ZNF814: variants seen among roughly 807,000 people sequenced by gnomAD.
ZNF814 encodes the protein zinc finger protein 814.
Under a neutral mutation model 7.5 loss-of-function variants are expected in ZNF814, and 5 were observed. That is an observed-to-expected ratio of 0.67 (90% CI 0.35 to 1.40). The LOEUF (loss-of-function observed/expected upper bound fraction) is 1.40, where lower values mean the gene tolerates loss of function less well. Among genes scored for constraint, ZNF814 ranks in the 40% most tolerant of loss-of-function variants. ZNF814 has a pLI of 0.04. For missense variants in ZNF814, 962 were observed against 1,018.0 expected (o/e 0.94, Z 0.75); for synonymous variants, 315 against 340.7 (o/e 0.92, Z 0.83).
rs1369294339 is a variant in ZNF814 at position 57,871,888 on chromosome 19, T to G, written c.*934A>C. 6.7e-6 allele frequency among the ~76,000 whole-genome samples: 1 copy of G among 148,842 alleles called. No homozygotes were observed. The highest frequency in any genetic ancestry group is 1.5e-5 in the Non-Finnish European group (1 of 67,632). ...ATGTTTGGAGGCCAAGGTGGAAGGA[T>G]CGCTTGAGCCAGGAGTTTAAGACCA... On this transcript the variant is annotated 3_prime_UTR_variant, in exon 3 of 3. Transcript: ENST00000435989.
chr19:57,870,830 A>G lies in ZNF814; in HGVS notation c.*1992T>C, dbSNP rs2071551237. The G allele has an allele frequency of 6.6e-6, 1 of 152,074 alleles. No individual in the cohort carries two copies. Among genetic ancestry groups the G allele is most frequent in the Non-Finnish European group, 1.5e-5 (1 of 68,032 alleles). The allele number at this position is 152,074 out of a possible 1,614,324, so 9.4% of individuals were successfully genotyped here. ...CCCCATCTCTACTAAAAATACAAAA[A>G]TTAGCTGGGTGTGGTGGCATGTGCC... On this transcript the variant is annotated 3_prime_UTR_variant, in exon 3 of 3. Coordinates refer to ENST00000435989, the MANE Select transcript of ZNF814 (RefSeq NM_001144989.2).
chr19:57,872,886 TTCCC>T lies in ZNF814; in HGVS notation c.2500_2503del (p.Gly834AsnfsTer78), dbSNP rs2071567665. The T allele has an allele frequency of 1.2e-6, 2 of 1,612,768 alleles. No individual in the cohort carries two copies. The highest frequency in any genetic ancestry group is 1.7e-6 in the Non-Finnish European group (2 of 1,179,590). ...GAGGTGAGACTTCTTGTTAAATAAT[TTCCC>T]ACATTTCTCACATTTATAAGGCTTT... On this transcript the variant is annotated frameshift_variant, in exon 3 of 3. Transcript: ENST00000435989. LOFTEE classifies it low-confidence loss of function (END_TRUNC).
Position 57,874,418 on chromosome 19 carries a change from A to G in ZNF814, c.972T>C (p.Tyr324=), listed in dbSNP as rs1044281455. 1.3e-6 allele frequency: 2 copies of G among 1,509,290 alleles called. No homozygotes were observed. Among genetic ancestry groups the G allele is most frequent in the African/African-American group, 3.3e-5 (2 of 61,514 alleles). The allele number at this position is 1,509,290 out of a possible 1,614,324, so 93.5% of individuals were successfully genotyped here. A position where few individuals can be genotyped will look rare whatever the true frequency, so the allele number is the denominator to read the frequency against. Residue 324 remains tyrosine, a synonymous_variant, in exon 3 of 3, where the codon TAT becomes TAC. Coordinates refer to ENST00000435989, the MANE Select transcript of ZNF814 (RefSeq NM_001144989.2). The part of the protein sequence containing the change: ...HQRVHTGKRP[Y]ECGECGKSFS... ...ACGATTTCCCACATTCTCCACATTC[A>G]TAAGGTCTTTTCCCAGTGTGAACTC...
intron 1 of ZNF814, 133 bp downstream of exon 1, chr19:57,888,633 TG>T: frequency 1.7e-6 from 2 of 1,153,366 alleles, no homozygotes; most frequent in East Asian, 2.6e-5. Flanking sequence ...GTGTCAGAAA[TG>T]GGGCCCCTCC....
the ZNF814 span, chr19:57,901,722 G>C: frequency 2.5e-6 from 1 of 398,668 alleles, no homozygotes; most frequent in Non-Finnish European, 4.4e-6. Flanking sequence ...CAATCTGAGA[G>C]CACAGAACAA....
In ZNF814 at chr19:57,888,974, C is replaced by T. The variant is rs1422211303; in HGVS notation, c.-172G>A. The stretch of plus-strand genomic sequence containing the variant: ...CTGCTCCCCGACTTCTGGGTTCAGT[C>T]ACCACAGTGCGGACCTAGCGCTCAG... On this transcript the variant is annotated 5_prime_UTR_variant, in exon 1 of 3. Coordinates refer to ENST00000435989, the MANE Select transcript of ZNF814 (RefSeq NM_001144989.2). 3.0e-6 allele frequency: 2 copies of T among 672,554 alleles called. No individual in the cohort carries two copies. Among genetic ancestry groups the T allele is most frequent in the East Asian group, 5.5e-5 (2 of 36,470 alleles). 41.7% of individuals were successfully genotyped at this position (672,554 alleles called of 1,614,324 possible). A position where few individuals can be genotyped will look rare whatever the true frequency, so the allele number is the denominator to read the frequency against.
intron 1 of ZNF814, among the ~76,000 whole-genome samples, chr19:57,883,764 A>AT (rs879603699): frequency 9.2e-4 from 136 of 147,624 alleles, no homozygotes; most frequent in African/African-American, 2.7e-3. Flanking sequence ...AGATTTCTTT[A>AT]TTTTTTTTTT....
chr19:57,883,193 C>A (rs1014284809), intron 1 of ZNF814, among the ~76,000 whole-genome samples: 1 of 151,484 alleles, frequency 6.6e-6, no homozygotes, highest in East Asian at 1.9e-4. Flanking sequence ...CCCATCTGTA[C>A]TAAAAATACA....
Position 57,873,413 on chromosome 19 carries a change from A to G in ZNF814, c.1977T>C (p.Pro659=), listed in dbSNP as rs2071574133. 2.5e-6 allele frequency: 4 copies of G among 1,612,710 alleles called. No homozygotes were observed. In the East Asian group the frequency reaches 8.9e-5, roughly 36 times the overall value. Residue 659 remains proline, a synonymous_variant, in exon 3 of 3, where the codon CCT becomes CCC. Transcript: ENST00000435989. ...ATTTCCCACATTCCCCACACTTAAA[A>G]GGTCTTTCTGTAGTGTGAACTCGCT... The part of the protein sequence containing the change: ...NHQRVHTTER[P]FKCGECGKCF...
Position 57,875,026 on chromosome 19 carries a change from A to C in ZNF814, c.364T>G (p.Cys122Gly). The C allele has an allele frequency of 1.9e-6, 3 of 1,606,804 alleles. No individual in the cohort carries two copies. Among genetic ancestry groups the C allele is most frequent in the Non-Finnish European group, 1.7e-6 (2 of 1,175,384 alleles). The change falls in exon 3 of 3, where the codon TGT becomes GGT. Residue 122 changes from cysteine (C) to glycine (G), a missense_variant. Cys to Gly is a radical substitution (Grantham distance 159, BLOSUM62 -3). Transcript: ENST00000435989. ...TACAATTTATTCCCCCAGGCCTCAC[A>C]CCTGTGCAGTTTCTGCTTGTGATGT... ...GTHHKQKLHR[C>G]EAWGNKLYDS...
Position 57,874,098 on chromosome 19 carries a change from G to C in ZNF814, c.1292C>G (p.Thr431Ser). The change falls in exon 3 of 3, where the codon ACT becomes AGT. Residue 431 changes from threonine to serine, a missense_variant. By Grantham distance (58) the Thr-to-Ser change is moderately conservative. Transcript: ENST00000435989. ...TTCACACCCATAAGGTTTTTCTCCAGTGTGAAATCGCTGATGTTGAATGAG... is the reference window on the plus strand; with the variant it reads ...TTCACACCCATAAGGTTTTTCTCCACTGTGAAATCGCTGATGTTGAATGAG... ...SSLIQHQRFH[T>S]GEKPYGCEEC... 2.5e-6 allele frequency: 4 copies of C among 1,602,464 alleles called. No homozygotes were observed. Among genetic ancestry groups the C allele is most frequent in the Middle Eastern group, 1.7e-4 (1 of 6,050 alleles).
intron 1 of ZNF814, among the ~76,000 whole-genome samples, chr19:57,877,653 A>C (rs1600137417): frequency 6.6e-6 from 1 of 151,868 alleles, no homozygotes; most frequent in African/African-American, 2.4e-5. Context: ...ATGTTGGCCA[A>C]GCTGGTCTCG....
Position 57,888,793 on chromosome 19 carries a change from C to T in ZNF814, c.10G>A (p.Ala4Thr), listed in dbSNP as rs1258305667. Residue 4 changes from alanine to threonine, a missense_variant, in exon 1 of 3, where the codon GCG (alanine) becomes ACG (threonine). Transcript: ENST00000435989. ...TGAGCGGAGAGCCTCAGCGTAGCCG[C>T]GGCAGCCATCGAACCACGTGGTTTT... MAA[A>T]ATLRLSAQGT... 6.4e-7 allele frequency: 1 copy of T among 1,551,960 alleles called. No homozygotes were observed. The highest frequency in any genetic ancestry group is 8.7e-7 in the Non-Finnish European group (1 of 1,147,158).
At chr19:57,878,485 G>T (rs1352291226) in intron 1 of ZNF814, among the ~76,000 whole-genome samples, 1 of 148,606 alleles carries the variant, frequency 6.7e-6, no homozygotes. Context: ...TTTTGTGATG[G>T]AGTCTCACTC....
rs1266305165 is a variant in ZNF814 at position 57,873,346 on chromosome 19, G to A, written c.2044C>T (p.His682Tyr). Residue 682 changes from histidine to tyrosine, a missense_variant, in exon 3 of 3, where the codon CAT becomes TAT. His to Tyr is a moderately conservative substitution (Grantham distance 83, BLOSUM62 2). Around this residue, in one of 7 missense-constraint regions of ZNF814, gnomAD observed 665 missense variants for 551.4 expected, o/e 1.21. Coordinates refer to ENST00000435989, the MANE Select transcript of ZNF814 (RefSeq NM_001144989.2). ...KGNLILHQHG[H>Y]TGERPYVCRE... ...CATACATAAGGTCTTTCTCCAGTATGGCCATGCTGGTGTAGAATGAGGTTA... is the reference window on the plus strand; with the variant it reads ...CATACATAAGGTCTTTCTCCAGTATAGCCATGCTGGTGTAGAATGAGGTTA... The A allele has an allele frequency of 1.3e-6, 2 of 1,595,548 alleles. No homozygotes were observed. Among genetic ancestry groups the A allele is most frequent in the East Asian group, 2.3e-5 (1 of 43,748 alleles).
chr19:57,873,135 G>A lies in ZNF814; in HGVS notation c.2255C>T (p.Ser752Leu). 6.2e-7 allele frequency: 1 copy of A among 1,613,528 alleles called. No homozygotes were observed. The highest frequency in any genetic ancestry group is 8.5e-7 in the Non-Finnish European group (1 of 1,179,850). Residue 752 changes from serine (S) to leucine (L), a missense_variant, in exon 3 of 3, where the codon TCA becomes TTA. Transcript: ENST00000435989. ...RPYECNDCGKSFTHSSTFCVH... is the reference protein window; with the variant it reads ...RPYECNDCGKLFTHSSTFCVH... ...ACAGAATGTAGAGCTGTGGGTAAAT[G>A]ATTTTCCACAATCATTGCATTCATA...
chr19:57,903,540 T>C, the ZNF814 span, among the ~76,000 whole-genome samples: 3 of 152,204 alleles, frequency 2.0e-5, no homozygotes, highest in Non-Finnish European at 2.9e-5. Context: ...TGCCATCTAG[T>C]GGGCAGAGAG....
chr19:57,874,926 G>A lies in ZNF814; in HGVS notation c.464C>T (p.Ala155Val), dbSNP rs762358971. The change falls in exon 3 of 3, where the codon GCG becomes GTG. Residue 155 changes from alanine to valine, a missense_variant. By Grantham distance (64) the Ala-to-Val change is moderately conservative. This residue lies in a region of ZNF814 where 65 missense variants were observed against 131.3 expected (regional missense o/e 0.50). Transcript: ENST00000435989. ...CAACTTACACCTCTTTGCAAACAAC[G>A]CCTCCTCAACACTCCCTCTGTAGGG... is the stretch of plus-strand genomic sequence containing the variant. ...EKPYRGSVEEALFAKRCKLHV... is the reference protein window; with the variant it reads ...EKPYRGSVEEVLFAKRCKLHV... The A allele has an allele frequency of 9.3e-6, 15 of 1,612,964 alleles. No homozygotes were observed. In the Admixed American group the frequency reaches 1.3e-4, roughly 14 times the overall value.
chr19:57,874,012 C>T lies in ZNF814; in HGVS notation c.1378G>A (p.Gly460Arg), dbSNP rs374673273. 5.5e-4 allele frequency: 891 copies of T among 1,613,502 alleles called. 1 individual carries two copies. The highest frequency in any genetic ancestry group is 2.1e-3 in the Middle Eastern group (13 of 6,062). ...HLRSHQRVHA[G>R]ERPFKCGECV... is the part of the protein sequence containing the mutation. ...TCTCCACACTTGAAAGGTCTTTCTC[C>T]GGCGTGAACTCGTTGATGGCTCCTA... The change falls in exon 3 of 3, where the codon GGA (glycine) becomes AGA (arginine). Residue 460 changes from glycine (G) to arginine (R), a missense_variant. This residue lies in a region of ZNF814 where 665 missense variants were observed against 551.4 expected (regional missense o/e 1.21). Transcript: ENST00000435989.
Sources: gnomAD v4.1 joint callset for allele counts (sites outside exome capture counted in the v4.1 genomes callset) on GRCh38, gnomAD v4.1.1 for gene constraint, gnomAD v4.1.1 regional missense constraint, MANE v1.5 for transcripts, NCBI Gene and HGNC (gene_info 2026-07-23, HGNC 2026-07-21) for gene names.